GMDS: variants seen among roughly 807,000 people sequenced by gnomAD.
GMDS encodes the protein GDP-mannose 4,6 dehydratase.
In GMDS, 20 loss-of-function variants were observed where a neutral mutation model predicts 49.9. That is an observed-to-expected ratio of 0.40 (90% CI 0.28 to 0.58). The LOEUF (loss-of-function observed/expected upper bound fraction) is 0.58, where lower values mean the gene tolerates loss of function less well. GMDS is among the 20% of genes least tolerant of loss of function. The probability of loss-of-function intolerance (pLI) is 0.42; values close to 1 mark genes in which losing one functional copy is unlikely to be tolerated. For missense variants in GMDS, 362 were observed against 481.4 expected, an observed-to-expected ratio of 0.75 and a Z score of 2.32; for synonymous variants, 177 against 178.6, an observed-to-expected ratio of 0.99 and a Z score of 0.07.
intron 1 of GMDS, among the ~76,000 whole-genome samples, chr6:2,196,644 A>G (rs1320008135): frequency 6.6e-6 from 1 of 152,162 alleles, no homozygotes; most frequent in Non-Finnish European, 1.5e-5. Context: ...GACAGACCAC[A>G]TTAACTTTTA....
chr6:1,664,042 A>G (rs1764166824), intron 9 of GMDS, among the ~76,000 whole-genome samples: 2 of 152,214 alleles, frequency 1.3e-5, no homozygotes, highest in Admixed American at 6.5e-5. Context: ...ATTTATTTCA[A>G]CAAATAAATC....
At chr6:1,657,581 A>T (rs1176717849) in intron 9 of GMDS, among the ~76,000 whole-genome samples, 1 of 152,232 alleles carries the variant, frequency 6.6e-6, no homozygotes, top group African/African-American at 2.4e-5. Context: ...AAAGACAGAC[A>T]TAGGCATTTA....
intron 7 of GMDS, among the ~76,000 whole-genome samples, chr6:1,925,666 A>T (rs1242484439): frequency 1.3e-5 from 2 of 152,212 alleles, no homozygotes; most frequent in African/African-American, 4.8e-5. Context: ...CTTCATCTGA[A>T]GGTTTACTAA....
At chr6:1,764,530 C>G (rs917582941) in intron 7 of GMDS, among the ~76,000 whole-genome samples, 11 of 152,082 alleles carry the variant, frequency 7.2e-5, no homozygotes, top group Admixed American at 2.6e-4. Flanking sequence ...TTAGGTATCC[C>G]ATCAGATAAT....
chr6:2,041,773 C>A (rs180845796), intron 4 of GMDS, among the ~76,000 whole-genome samples: 1 of 152,078 alleles, frequency 6.6e-6, no homozygotes, highest in African/African-American at 2.4e-5. Context: ...TGTAAAAACA[C>A]ATAAATTTGG....
intron 4 of GMDS, among the ~76,000 whole-genome samples, chr6:1,977,685 C>A (rs1321067668): frequency 1.3e-5 from 2 of 152,146 alleles, no homozygotes; most frequent in African/African-American, 4.8e-5. Context: ...CACCCCCAGC[C>A]AAGGGAAGTG....
intron 7 of GMDS, among the ~76,000 whole-genome samples, chr6:1,800,820 G>C (rs1044682522): frequency 1.3e-5 from 2 of 152,114 alleles, no homozygotes; most frequent in African/African-American, 4.8e-5. Flanking sequence ...GCAAACAGCT[G>C]CAAGAAGTGG....
intron 9 of GMDS, among the ~76,000 whole-genome samples, chr6:1,633,609 T>A (rs941086813): frequency 2.0e-5 from 3 of 152,126 alleles, no homozygotes; most frequent in African/African-American, 4.8e-5. Context: ...GGATCAGAGA[T>A]CTGCACAATG....
intron 9 of GMDS, among the ~76,000 whole-genome samples, chr6:1,666,021 C>A (rs2113264406): frequency 6.6e-6 from 1 of 152,352 alleles, no homozygotes; most frequent in Admixed American, 6.5e-5. Flanking sequence ...TCTGGGCACA[C>A]TGACAGCCAA....
intron 1 of GMDS, among the ~76,000 whole-genome samples, chr6:2,243,218 T>A (rs1011352462): frequency 4.6e-5 from 7 of 152,220 alleles, no homozygotes; most frequent in African/African-American, 1.7e-4. Context: ...GGGAGTGGTC[T>A]GCTGAGTGTG....
intron 7 of GMDS, among the ~76,000 whole-genome samples, chr6:1,855,983 T>C (rs1487063627): frequency 1.3e-5 from 2 of 152,138 alleles, no homozygotes; most frequent in African/African-American, 4.8e-5. Context: ...AGACAGTGTG[T>C]CTGTGTACCT....
intron 4 of GMDS, among the ~76,000 whole-genome samples, chr6:1,972,396 T>C (rs566370297): frequency 6.6e-6 from 1 of 152,162 alleles, no homozygotes; most frequent in Non-Finnish European, 1.5e-5. Flanking sequence ...GAAAAATCTG[T>C]CATGATTTCT....
chr6:1,915,209 G>A (rs1431859468), intron 7 of GMDS, among the ~76,000 whole-genome samples: 1 of 152,270 alleles, frequency 6.6e-6, no homozygotes, highest in East Asian at 1.9e-4. Flanking sequence ...ATCTCAGGCA[G>A]TTGAGCACCG....
chr6:1,728,073 C>T (rs565123200), intron 8 of GMDS, among the ~76,000 whole-genome samples: 6 of 152,212 alleles, frequency 3.9e-5, no homozygotes, highest in Non-Finnish European at 8.8e-5. Context: ...GAAAATTCAC[C>T]GGGAAACGGT....
chr6:1,970,310 G>C (rs1199256147), intron 4 of GMDS, among the ~76,000 whole-genome samples: 1 of 152,254 alleles, frequency 6.6e-6, no homozygotes, highest in Non-Finnish European at 1.5e-5. Flanking sequence ...ATCAAGGACA[G>C]CAACAATAAA....
At chr6:2,003,247 C>T (rs1239691574) in intron 4 of GMDS, among the ~76,000 whole-genome samples, 1 of 152,074 alleles carries the variant, frequency 6.6e-6, no homozygotes, top group Non-Finnish European at 1.5e-5. Context: ...ATGATGATAC[C>T]ATATATTTAT....
chr6:2,237,269 T>C (rs955527925), intron 1 of GMDS, among the ~76,000 whole-genome samples: 7 of 152,204 alleles, frequency 4.6e-5, no homozygotes, highest in African/African-American at 1.4e-4. Flanking sequence ...GGAAAATTGC[T>C]TACTAGCTTG....
chr6:1,972,701 G>T (rs1764689445), intron 4 of GMDS, among the ~76,000 whole-genome samples: 1 of 152,136 alleles, frequency 6.6e-6, no homozygotes. Flanking sequence ...TAGTACTTGT[G>T]ACCTTTCCAT....
At chr6:1,664,813 A>T (rs917894234) in intron 9 of GMDS, among the ~76,000 whole-genome samples, 1 of 152,174 alleles carries the variant, frequency 6.6e-6, no homozygotes, top group Non-Finnish European at 1.5e-5. Context: ...GAGATTTTTT[A>T]AAAATCTCAT....
Sources: gnomAD v4.1 joint callset for allele counts (sites outside exome capture counted in the v4.1 genomes callset) on GRCh38, gnomAD v4.1.1 for gene constraint, MANE v1.5 for transcripts, NCBI Gene and HGNC (gene_info 2026-07-23, HGNC 2026-07-21) for gene names.